The following STK32B variants were observed in gnomAD, a reference collection of about 807,000 sequenced individuals.
The protein encoded by STK32B is serine/threonine-protein kinase 32B.
STK32B carries 43 observed loss-of-function variants against 52.6 expected under a neutral mutation model. That is an observed-to-expected ratio of 0.82 (90% CI 0.64 to 1.05). The LOEUF is 1.05. Ranked by LOEUF, STK32B falls within the 50% of genes least tolerant of loss-of-function variation. STK32B has a pLI of 0.00. For missense variants in STK32B, 621 were observed against 534.6 expected (o/e 1.16, Z -1.59); for synonymous variants, 238 against 204.3 (o/e 1.17, Z -1.41).
Position 5,466,223 on chromosome 4 carries a change from G to A in STK32B, c.910-480G>A, listed in dbSNP as rs574679612. On this transcript the variant is annotated intron_variant, in intron 9 of 11. Transcript: ENST00000282908. ...GCCAGGAGCAGGGCCAGGCCGGAGGGTCAGCTGACTCTAGCTGCCAGGGGG... is the reference window on the plus strand; with the variant it reads ...GCCAGGAGCAGGGCCAGGCCGGAGGATCAGCTGACTCTAGCTGCCAGGGGG... Among the ~76,000 whole-genome samples the A allele has an allele frequency of 3.3e-5, 5 of 152,302 alleles. No individual in the cohort carries two copies. The South Asian group carries it at 1.0e-3, about 32-fold the overall frequency.
At chr4:5,050,762 CCTTA>C (rs560543321), upstream of STK32B, among the ~76,000 whole-genome samples, 659 of 152,298 alleles carry the variant, frequency 4.3e-3, 7 homozygotes, top group African/African-American at 0.015. Flanking sequence ...CTGCCGCACC[CCTTA>C]CTTAGGCACC....
At chr4:5,232,344 G>A (rs993316228) in intron 3 of STK32B, among the ~76,000 whole-genome samples, 24 of 152,262 alleles carry the variant, frequency 1.6e-4, no homozygotes, top group African/African-American at 5.3e-4. Context: ...GACATATTTA[G>A]AAATATGTGT....
At chr4:5,168,738 C>T (rs769124202) in intron 3 of STK32B, among the ~76,000 whole-genome samples, 13 of 152,174 alleles carry the variant, frequency 8.5e-5, no homozygotes, top group South Asian at 4.2e-4. Flanking sequence ...AAGAGAATGC[C>T]GAAGATAGGC....
chr4:5,289,842 G>A (rs932516577), intron 3 of STK32B, among the ~76,000 whole-genome samples: 16 of 151,582 alleles, frequency 1.1e-4, no homozygotes, highest in African/African-American at 3.6e-4. Flanking sequence ...CACCACGCCC[G>A]GCCTATTTTA....
At chr4:5,313,577 A>G (rs963569568) in intron 3 of STK32B, among the ~76,000 whole-genome samples, 1 of 151,258 alleles carries the variant, frequency 6.6e-6, no homozygotes, top group African/African-American at 2.5e-5. Flanking sequence ...CTCTATTTTC[A>G]GATGGCATAG....
chr4:5,178,926 G>C (rs1426604871), intron 3 of STK32B, among the ~76,000 whole-genome samples: 2 of 152,182 alleles, frequency 1.3e-5, no homozygotes, highest in Non-Finnish European at 1.5e-5. Flanking sequence ...ACCTCTGCCT[G>C]TTGACCAGTT....
At chr4:5,280,254 C>T (rs997103053) in intron 3 of STK32B, among the ~76,000 whole-genome samples, 8 of 152,278 alleles carry the variant, frequency 5.3e-5, no homozygotes, top group African/African-American at 1.4e-4. Flanking sequence ...GGGCAGGGCA[C>T]AATGCTACCA....
At chr4:5,387,362 G>A (rs1577429356) in intron 4 of STK32B, among the ~76,000 whole-genome samples, 2 of 152,156 alleles carry the variant, frequency 1.3e-5, no homozygotes, top group East Asian at 3.9e-4. Context: ...AGCACCTACT[G>A]GGAAGGACAA....
At chr4:5,472,288 CAG>C (rs773039871) in intron 11 of STK32B, among the ~76,000 whole-genome samples, 135 of 152,360 alleles carry the variant, frequency 8.9e-4, no homozygotes, top group Non-Finnish European at 1.5e-3. Flanking sequence ...ATCAGACACA[CAG>C]GGGCCACTGT....
At chr4:5,063,348 C>T (rs887814974) in intron 1 of STK32B, among the ~76,000 whole-genome samples, 1 of 151,304 alleles carries the variant, frequency 6.6e-6, no homozygotes, top group African/African-American at 2.4e-5. Context: ...GATTATCTTT[C>T]TTTTTTTTTG....
intron 4 of STK32B, among the ~76,000 whole-genome samples, chr4:5,367,636 G>C (rs1483660023): frequency 6.6e-6 from 1 of 152,216 alleles, no homozygotes. Flanking sequence ...GCTAAACCCT[G>C]CTGAGTACAG....
At chr4:5,302,998 TTG>T (rs578218451) in intron 3 of STK32B, among the ~76,000 whole-genome samples, 174 of 149,058 alleles carry the variant, frequency 1.2e-3, no homozygotes, top group Non-Finnish European at 1.5e-3. Context: ...GTGTGTGTGT[TTG>T]TGTGTGTATA....
chr4:5,236,912 G>A (rs1724678026), intron 3 of STK32B, among the ~76,000 whole-genome samples: 1 of 152,168 alleles, frequency 6.6e-6, no homozygotes, highest in Non-Finnish European at 1.5e-5. Flanking sequence ...GAATTACTGG[G>A]TGGTAGGCTG....
intron 2 of STK32B, among the ~76,000 whole-genome samples, chr4:5,160,773 AT>A (rs1424295112): frequency 2.0e-5 from 3 of 152,182 alleles, no homozygotes; most frequent in African/African-American, 7.2e-5. Flanking sequence ...GGAGTGGACA[AT>A]GGATGCACGA....
chr4:5,468,748 G>C (rs961807606), intron 11 of STK32B, among the ~76,000 whole-genome samples: 1 of 152,112 alleles, frequency 6.6e-6, no homozygotes, highest in Non-Finnish European at 1.5e-5. Context: ...GACACCTCAG[G>C]CTCGGTTCCA....
intron 11 of STK32B, 91 bp from the exon 12 acceptor site, chr4:5,498,854 C>G: frequency 6.8e-7 from 1 of 1,476,714 alleles, no homozygotes; most frequent in Non-Finnish European, 9.0e-7. Flanking sequence ...GCTGAAGGCT[C>G]CACAGTTGCC....
intron 2 of STK32B, among the ~76,000 whole-genome samples, chr4:5,159,288 T>G (rs1052999042): frequency 5.3e-5 from 8 of 151,978 alleles, no homozygotes; most frequent in African/African-American, 1.9e-4. Context: ...GCTCACACTC[T>G]TTAAGGGACT....
intron 3 of STK32B, among the ~76,000 whole-genome samples, chr4:5,203,465 T>C (rs946385901): frequency 2.6e-5 from 4 of 152,174 alleles, no homozygotes; most frequent in Non-Finnish European, 5.9e-5. Context: ...ACCCATTTCC[T>C]GGCCCCACCC....
chr4:5,045,182 A>G, the STK32B span, among the ~76,000 whole-genome samples: 74 of 152,352 alleles, frequency 4.9e-4, 1 homozygote, highest in African/African-American at 1.7e-3. Flanking sequence ...CGAGTCTTTG[A>G]GCCACCTGCC....
Sources: allele counts gnomAD v4.1 joint callset (sites outside exome capture counted in the v4.1 genomes callset), GRCh38; gene constraint gnomAD v4.1.1; transcripts MANE v1.5; gene names NCBI Gene and HGNC (gene_info 2026-07-23, HGNC 2026-07-21).